PRKCA: variants seen among roughly 807,000 people sequenced by gnomAD.
PRKCA encodes protein kinase C alpha, also known as protein kinase C alpha type.
In PRKCA, 27 loss-of-function variants were observed where a neutral mutation model predicts 87.0. That is an observed-to-expected ratio of 0.31 (90% CI 0.23 to 0.43). PRKCA has a LOEUF of 0.43. PRKCA is among the 20% of genes least tolerant of loss of function. The pLI, the probability that PRKCA is intolerant of heterozygous loss-of-function variation, is 1.00. For synonymous variants in PRKCA, 329 were observed against 311.1 expected, an observed-to-expected ratio of 1.06 and a Z score of -0.61; for missense variants, 518 against 852.3, an observed-to-expected ratio of 0.61 and a Z score of 4.88.
intron 13 of PRKCA, among the ~76,000 whole-genome samples, chr17:66,756,816 C>G (rs942927743): frequency 6.6e-6 from 1 of 152,104 alleles, no homozygotes; most frequent in Admixed American, 6.6e-5. Flanking sequence ...CATGAGCCAC[C>G]ATGCCCAGCT....
At chr17:66,632,032 C>A (rs1190134898) in intron 3 of PRKCA, among the ~76,000 whole-genome samples, 1 of 152,148 alleles carries the variant, frequency 6.6e-6, no homozygotes, top group Non-Finnish European at 1.5e-5. Flanking sequence ...TAGACACCTT[C>A]TTCTGCAGAT....
At chr17:66,636,730 C>T (rs557942910) in intron 3 of PRKCA, among the ~76,000 whole-genome samples, 59 of 152,324 alleles carry the variant, frequency 3.9e-4, no homozygotes, top group African/African-American at 1.2e-3. Context: ...ATTCCCTAAG[C>T]TGGGTGTCAC....
rs552701004 is a variant in PRKCA at position 66,695,753 on chromosome 17, A to G, written c.918+6706A>G. Among the ~76,000 whole-genome samples, 6 of 152,340 alleles carry G rather than the reference A, an allele frequency of 3.9e-5. No homozygotes were observed. In the South Asian group the frequency reaches 1.2e-3, roughly 32 times the overall value. On this transcript the variant is annotated intron_variant, in intron 8 of 16. Transcript: ENST00000413366. ...AAGAAACTTGTAGCAGAACAAAGATAGCTAAGAGGCAGCACACCTGGGGCT... is the reference window on the plus strand; with the variant it reads ...AAGAAACTTGTAGCAGAACAAAGATGGCTAAGAGGCAGCACACCTGGGGCT...
intron 2 of PRKCA, among the ~76,000 whole-genome samples, chr17:66,318,824 C>T (rs1283122492): frequency 1.3e-5 from 2 of 151,494 alleles, no homozygotes; most frequent in East Asian, 1.9e-4. Flanking sequence ...CACTGTACTC[C>T]AGCCTGGGTA....
At chr17:66,545,229 C>G (rs1005469055) in intron 3 of PRKCA, among the ~76,000 whole-genome samples, 13 of 152,110 alleles carry the variant, frequency 8.5e-5, no homozygotes, top group Non-Finnish European at 1.8e-4. Flanking sequence ...GAGATCGAGA[C>G]CATCCTGGCT....
In PRKCA at chr17:66,738,743, G is replaced by T. The variant is rs528799543; in HGVS notation, c.1231-21G>T. ...TTGGCTGGGGAGGAGCCCTGCTCAT[G>T]TGTTGAACCTTGGTCTGCAGGATCG... is the stretch of plus-strand genomic sequence containing the variant. On this transcript the variant is annotated intron_variant, in intron 10 of 16. Coordinates refer to ENST00000413366, the MANE Select transcript of PRKCA (RefSeq NM_002737.3). The T allele has an allele frequency of 1.9e-5, 31 of 1,606,298 alleles. 1 individual carries two copies. In the South Asian group the frequency reaches 3.3e-4, roughly 17 times the overall value.
At chr17:66,540,421 T>C (rs1310872207) in intron 3 of PRKCA, among the ~76,000 whole-genome samples, 1 of 152,094 alleles carries the variant, frequency 6.6e-6, no homozygotes, top group Non-Finnish European at 1.5e-5. Context: ...CTGGTTTTGC[T>C]GCTTTGGGGG....
intron 3 of PRKCA, among the ~76,000 whole-genome samples, chr17:66,528,965 C>T (rs149812097): frequency 6.6e-6 from 1 of 152,262 alleles, no homozygotes; most frequent in African/African-American, 2.4e-5. Context: ...ATAAGCCCAG[C>T]CAAATTGTTC....
At chr17:66,586,165 C>T (rs1047412455) in intron 3 of PRKCA, among the ~76,000 whole-genome samples, 1 of 152,120 alleles carries the variant, frequency 6.6e-6, no homozygotes, top group African/African-American at 2.4e-5. Flanking sequence ...GCACCATAAC[C>T]TTGTTGATCT....
intron 13 of PRKCA, among the ~76,000 whole-genome samples, chr17:66,757,581 A>G (rs1004173741): frequency 6.6e-6 from 1 of 152,030 alleles, no homozygotes; most frequent in Non-Finnish European, 1.5e-5. Context: ...GAAAAAAAAA[A>G]AAAAAAAAAC....
In PRKCA at chr17:66,480,985, T is replaced by C. The variant is rs140723548; in HGVS notation, c.206-15216T>C. 5.6e-3 allele frequency among the ~76,000 whole-genome samples: 845 copies of C among 152,194 alleles called. 6 individuals are homozygous for C. Among genetic ancestry groups the C allele is most frequent in the African/African-American group, 0.019 (795 of 41,526 alleles). On this transcript the variant is annotated intron_variant, in intron 2 of 16. Transcript: ENST00000413366. Reference sequence around the variant, plus strand: ...TTGCATGAGGTGGCCCAAGCCTCTTTCCATAATTTTACATAGGTGTTACCG... The same window carrying C: ...TTGCATGAGGTGGCCCAAGCCTCTTCCCATAATTTTACATAGGTGTTACCG...
chr17:66,354,005 C>T (rs1359782748), intron 2 of PRKCA, among the ~76,000 whole-genome samples: 2 of 152,092 alleles, frequency 1.3e-5, no homozygotes, highest in African/African-American at 2.4e-5. Context: ...CCATCGCACA[C>T]GTCATGTAGT....
At chr17:66,755,735 C>T (rs1382201799) in intron 13 of PRKCA, among the ~76,000 whole-genome samples, 1 of 152,150 alleles carries the variant, frequency 6.6e-6, no homozygotes, top group Non-Finnish European at 1.5e-5. Context: ...TAGACGTCAT[C>T]GTTCCATCCT....
chr17:66,797,264 C>G (rs1975692176), intron 16 of PRKCA, among the ~76,000 whole-genome samples: 1 of 152,196 alleles, frequency 6.6e-6, no homozygotes, highest in Non-Finnish European at 1.5e-5. Flanking sequence ...CCAGTGGGGG[C>G]ACACTGCAAT....
intron 3 of PRKCA, among the ~76,000 whole-genome samples, chr17:66,628,306 A>T (rs539442175): frequency 2.2e-4 from 34 of 152,260 alleles, no homozygotes; most frequent in Non-Finnish European, 3.7e-4. Context: ...TGGTAGTGTT[A>T]TTCATAACAG....
chr17:66,776,138 G>C (rs1975041815), intron 14 of PRKCA, among the ~76,000 whole-genome samples: 1 of 152,238 alleles, frequency 6.6e-6, no homozygotes, highest in South Asian at 2.1e-4. Context: ...AATTGAGCTA[G>C]AGAGGGAGGG....
At chr17:66,589,664 T>TCATGTTG (rs1969735746) in intron 3 of PRKCA, among the ~76,000 whole-genome samples, 5 of 152,080 alleles carry the variant, frequency 3.3e-5, no homozygotes, top group Admixed American at 2.6e-4. Flanking sequence ...TTTAGCATAA[T>TCATGTTG]GGGGAGGGGC....
chr17:66,395,771 C>G (rs1910629257), intron 2 of PRKCA, among the ~76,000 whole-genome samples: 1 of 152,138 alleles, frequency 6.6e-6, no homozygotes, highest in African/African-American at 2.4e-5. Flanking sequence ...TCTCCAAGGA[C>G]AGGCAATGAG....
At chr17:66,588,735 G>A (rs1188121645) in intron 3 of PRKCA, among the ~76,000 whole-genome samples, 1 of 137,798 alleles carries the variant, frequency 7.3e-6, no homozygotes, top group Non-Finnish European at 1.5e-5. Context: ...CTGCCTCCCA[G>A]GTTCAAGCAA....
Sources: gnomAD v4.1 joint callset for allele counts (sites outside exome capture counted in the v4.1 genomes callset) on GRCh38, gnomAD v4.1.1 for gene constraint, MANE v1.5 for transcripts, NCBI Gene and HGNC (gene_info 2026-07-23, HGNC 2026-07-21) for gene names.